GLIS1: variants seen among roughly 807,000 people sequenced by gnomAD.
GLIS1 encodes the protein zinc finger protein GLIS1.
In GLIS1, 24 loss-of-function variants were observed where a neutral mutation model predicts 63.8. The ratio of observed to expected loss-of-function variants is 0.38; its 90% CI spans 0.27 to 0.53. The LOEUF is 0.53. Ranked by LOEUF, GLIS1 falls within the 20% of genes least tolerant of loss-of-function variation. The probability of loss-of-function intolerance (pLI) is 0.85; values close to 1 mark genes in which losing one functional copy is unlikely to be tolerated. For missense variants in GLIS1, 1,036 were observed against 1,074.1 expected, an observed-to-expected ratio of 0.96 and a Z score of 0.50; for synonymous variants, 450 against 482.5, an observed-to-expected ratio of 0.93 and a Z score of 0.88.
chr1:53,612,824 T>C (rs919730893), intron 2 of GLIS1, among the ~76,000 whole-genome samples: 1 of 149,520 alleles, frequency 6.7e-6, no homozygotes, highest in African/African-American at 2.4e-5. Flanking sequence ...TGATGCCTTT[T>C]TTTTTTTTTT....
Position 53,700,669 on chromosome 1 carries a change from T to G in GLIS1, c.259+37137A>C, listed in dbSNP as rs181013129. Among the ~76,000 whole-genome samples, 559 of 152,320 alleles carry G rather than the reference T, an allele frequency of 3.7e-3. 7 individuals carry two copies. The highest frequency in any genetic ancestry group is 0.013 in the African/African-American group (547 of 41,554). The stretch of plus-strand genomic sequence containing the variant: ...GATTCACCCTTTTAAAGTGCACTAT[T>G]TAGTGGTTCTTACCGTATTCAGAGA... On this transcript the variant is annotated intron_variant, in intron 2 of 10. Transcript: ENST00000628545.
intron 2 of GLIS1, among the ~76,000 whole-genome samples, chr1:53,631,388 T>C (rs1223249309): frequency 6.6e-6 from 1 of 152,236 alleles, no homozygotes; most frequent in African/African-American, 2.4e-5. Context: ...TTAAGATCCC[T>C]ATGGCAGGGT....
chr1:53,719,708 A>G (rs1646734411), intron 2 of GLIS1, among the ~76,000 whole-genome samples: 1 of 152,196 alleles, frequency 6.6e-6, no homozygotes, highest in Non-Finnish European at 1.5e-5. Context: ...GTTGAAAAAA[A>G]CCAAATCCTC....
At position 53,721,144 on chromosome 1, in the gene GLIS1, C is replaced by A. The variant is rs574342672; in HGVS notation, c.259+16662G>T. Among the ~76,000 whole-genome samples the A allele has an allele frequency of 2.6e-5, 4 of 151,270 alleles. No individual in the cohort carries two copies. The South Asian group carries it at 8.4e-4, about 32-fold the overall frequency. On this transcript the variant is annotated intron_variant, in intron 2 of 10. Transcript: ENST00000628545. Reference sequence around the variant, plus strand: ...TAAATAAAAATCATGTATTGAATGACTGAAAGGAAAAAAAAAGAGAACTAA... The same window carrying A: ...TAAATAAAAATCATGTATTGAATGAATGAAAGGAAAAAAAAAGAGAACTAA...
chr1:53,721,777 G>A (rs780213788), intron 2 of GLIS1, among the ~76,000 whole-genome samples: 6 of 152,012 alleles, frequency 3.9e-5, no homozygotes, highest in Admixed American at 2.0e-4. Flanking sequence ...CGTGGTGAAC[G>A]ACAAAAAGAA....
intron 4 of GLIS1, among the ~76,000 whole-genome samples, chr1:53,542,211 G>A (rs957584601): frequency 6.6e-6 from 1 of 152,232 alleles, no homozygotes; most frequent in African/African-American, 2.4e-5. Context: ...CTGTCAAAGG[G>A]GTCCGTGTGG....
At chr1:53,572,140 T>TA (rs1644990532) in intron 4 of GLIS1, among the ~76,000 whole-genome samples, 2 of 152,222 alleles carry the variant, frequency 1.3e-5, no homozygotes, top group African/African-American at 4.8e-5. Flanking sequence ...TCAAATATGA[T>TA]ATAATTAAAA....
chr1:53,509,071 T>G, intron 10 of GLIS1, 49 bp downstream of exon 10: 2 of 1,496,022 alleles, frequency 1.3e-6, no homozygotes, highest in Non-Finnish European at 1.8e-6. Context: ...AGCACTGGGT[T>G]GAGCCTCGGC....
In GLIS1 at chr1:53,618,297, C is replaced by A. The variant is rs142034075; in HGVS notation, c.260-18019G>T. ...ATGAATACACCAGGTGAGAACTGGG[C>A]TAGGCCTTGGATGCCACTCAAGCCT... On this transcript the variant is annotated intron_variant, in intron 2 of 10. Transcript: ENST00000628545. Among the ~76,000 whole-genome samples, 139 of 152,364 alleles carry A rather than the reference C, an allele frequency of 9.1e-4. 1 individual carries two copies. The highest frequency in any genetic ancestry group is 3.1e-3 in the African/African-American group (130 of 41,586).
At chr1:53,535,308 C>G (rs916221607) in intron 4 of GLIS1, among the ~76,000 whole-genome samples, 7 of 152,058 alleles carry the variant, frequency 4.6e-5, no homozygotes, top group Non-Finnish European at 1.0e-4. Context: ...CTGGACCACC[C>G]CAGGTCACGC....
chr1:53,604,279 A>T (rs1327431776), intron 2 of GLIS1, among the ~76,000 whole-genome samples: 1 of 152,244 alleles, frequency 6.6e-6, no homozygotes, highest in African/African-American at 2.4e-5. Flanking sequence ...CAAACCCTCA[A>T]GACTTGGGGT....
intron 4 of GLIS1, among the ~76,000 whole-genome samples, chr1:53,553,451 A>AT (rs1644783288): frequency 1.3e-5 from 2 of 151,066 alleles, no homozygotes; most frequent in South Asian, 4.1e-4. Flanking sequence ...AATGCCTCCA[A>AT]GAAGCTAAGC....
chr1:53,672,277 T>TCTGG (rs1343795201), intron 2 of GLIS1, among the ~76,000 whole-genome samples: 1 of 152,144 alleles, frequency 6.6e-6, no homozygotes, highest in Non-Finnish European at 1.5e-5. Context: ...AATCCAGAGG[T>TCTGG]CTGGCCTCCA....
At chr1:53,549,856 C>A (rs1399110865) in intron 4 of GLIS1, among the ~76,000 whole-genome samples, 1 of 152,144 alleles carries the variant, frequency 6.6e-6, no homozygotes, top group East Asian at 1.9e-4. Flanking sequence ...CCCATATTAC[C>A]AATGGGCAAA....
rs531824905 is a variant in GLIS1, at chr1:53,605,476, G to A, written c.260-5198C>T. Among the ~76,000 whole-genome samples the A allele has an allele frequency of 3.9e-5, 6 of 152,326 alleles. No homozygotes were observed. The South Asian group carries it at 8.3e-4, about 21-fold the overall frequency. On this transcript the variant is annotated intron_variant, in intron 2 of 10. Coordinates refer to ENST00000628545, the MANE Select transcript of GLIS1 (RefSeq NM_001367484.1). The stretch of plus-strand genomic sequence containing the variant: ...GCTCCCCGGCCTCGGCAGTCCCTGC[G>A]AATAGCTGCCACTTAGGTGCGCCTT...
rs146239233 is a variant in GLIS1, at chr1:53,508,338, G to T, written c.2230+782C>A. Among the ~76,000 whole-genome samples, 5 of 152,304 alleles carry T rather than the reference G, an allele frequency of 3.3e-5. No homozygotes were observed. In the East Asian group the frequency reaches 9.7e-4, roughly 29 times the overall value. On this transcript the variant is annotated intron_variant, in intron 10 of 10. Transcript: ENST00000628545. ...GTGCCCGGCTGAGGCCTCAGTGCTT[G>T]TCCCTATATACCTGTCCCTCCACCC...
intron 2 of GLIS1, among the ~76,000 whole-genome samples, chr1:53,638,580 C>G (rs991297490): frequency 2.6e-5 from 4 of 152,318 alleles, no homozygotes; most frequent in African/African-American, 9.6e-5. Context: ...GCCTCATGAC[C>G]CCAGCAGGGC....
At chr1:53,647,364 T>C (rs1645857926) in intron 2 of GLIS1, among the ~76,000 whole-genome samples, 1 of 152,178 alleles carries the variant, frequency 6.6e-6, no homozygotes, top group Non-Finnish European at 1.5e-5. Context: ...AATAGGCTAA[T>C]GGAACAGAAC....
intron 4 of GLIS1, among the ~76,000 whole-genome samples, chr1:53,593,660 C>T (rs1645215300): frequency 6.6e-6 from 1 of 152,192 alleles, no homozygotes; most frequent in Non-Finnish European, 1.5e-5. Context: ...GTAGGCAGCA[C>T]TAGAAGGCCC....
Sources: allele counts gnomAD v4.1 joint callset (sites outside exome capture counted in the v4.1 genomes callset), GRCh38; gene constraint gnomAD v4.1.1; transcripts MANE v1.5; gene names NCBI Gene and HGNC (gene_info 2026-07-23, HGNC 2026-07-21).